Variants in DYNC1I1 observed in about 807,000 individuals in gnomAD.
DYNC1I1 encodes the protein dynein cytoplasmic 1 intermediate chain 1.
A neutral mutation model predicts 86.6 loss-of-function variants in DYNC1I1; 43 were observed. That is an observed-to-expected ratio of 0.50 (90% CI 0.39 to 0.64). The LOEUF (loss-of-function observed/expected upper bound fraction) is 0.64. DYNC1I1 is among the 30% of genes least tolerant of loss of function. The pLI, the probability that DYNC1I1 is intolerant of heterozygous loss-of-function variation, is 0.00. For synonymous variants in DYNC1I1, 262 were observed against 283.7 expected, an observed-to-expected ratio of 0.92 and a Z score of 0.77; for missense variants, 604 against 788.8, an observed-to-expected ratio of 0.77 and a Z score of 2.81.
chr7:95,944,394 G>A (rs1792333642), intron 6 of DYNC1I1, among the ~76,000 whole-genome samples: 1 of 152,178 alleles, frequency 6.6e-6, no homozygotes, highest in South Asian at 2.1e-4. Context: ...GAGAGGATGT[G>A]GAGAAATAGG....
intron 4 of DYNC1I1, among the ~76,000 whole-genome samples, chr7:95,815,137 CTT>C (rs1794919515): frequency 1.3e-5 from 2 of 152,262 alleles, no homozygotes; most frequent in Admixed American, 1.3e-4. Context: ...CTTTGGAAAA[CTT>C]TCTAAAGAAA....
chr7:95,893,836 A>G (rs1790807101), intron 6 of DYNC1I1, among the ~76,000 whole-genome samples: 1 of 152,222 alleles, frequency 6.6e-6, no homozygotes, highest in Non-Finnish European at 1.5e-5. Context: ...AGAACAGGAA[A>G]CAAAAATATT....
chr7:96,079,883 C>T (rs1170583510), intron 15 of DYNC1I1, among the ~76,000 whole-genome samples: 1 of 152,150 alleles, frequency 6.6e-6, no homozygotes, highest in African/African-American at 2.4e-5. Context: ...GAGATCAATA[C>T]ATATGTTTAC....
chr7:96,025,059 A>G (rs1794644633), intron 10 of DYNC1I1, among the ~76,000 whole-genome samples: 2 of 152,208 alleles, frequency 1.3e-5, no homozygotes, highest in South Asian at 4.1e-4. Context: ...TTCTTATAGA[A>G]TAACAAGGCA....
At chr7:95,909,622 T>G (rs1791275247) in intron 6 of DYNC1I1, among the ~76,000 whole-genome samples, 1 of 152,140 alleles carries the variant, frequency 6.6e-6, no homozygotes, top group Admixed American at 6.5e-5. Context: ...AAAATATAAA[T>G]AAATCGCATC....
At chr7:95,884,311 C>T (rs960488488) in intron 6 of DYNC1I1, among the ~76,000 whole-genome samples, 1 of 152,048 alleles carries the variant, frequency 6.6e-6, no homozygotes, top group East Asian at 1.9e-4. Context: ...TGGAAACTAA[C>T]GGGTAAGAGA....
At chr7:95,841,866 C>A (rs1789292373) in intron 5 of DYNC1I1, among the ~76,000 whole-genome samples, 1 of 152,198 alleles carries the variant, frequency 6.6e-6, no homozygotes, top group African/African-American at 2.4e-5. Context: ...TTGTCACCTG[C>A]TCACTGTGTG....
intron 14 of DYNC1I1, among the ~76,000 whole-genome samples, chr7:96,062,469 G>A (rs939103080): frequency 6.6e-6 from 1 of 151,274 alleles, no homozygotes; most frequent in African/African-American, 2.4e-5. Flanking sequence ...AACCCTTGCA[G>A]TAAACTGTCA....
chr7:96,103,668 G>A (rs1023066474), intron 16 of DYNC1I1, among the ~76,000 whole-genome samples: 3 of 151,242 alleles, frequency 2.0e-5, no homozygotes, highest in Non-Finnish European at 4.4e-5. Flanking sequence ...GCTGGAGTGC[G>A]GTAACATGAT....
intron 8 of DYNC1I1, among the ~76,000 whole-genome samples, chr7:95,986,182 A>G (rs1489733424): frequency 6.6e-6 from 1 of 152,170 alleles, no homozygotes; most frequent in Admixed American, 6.6e-5. Context: ...CAGTCTGAAC[A>G]AGAGCCATAT....
intron 5 of DYNC1I1, among the ~76,000 whole-genome samples, chr7:95,863,320 A>T (rs1459717701): frequency 1.3e-5 from 2 of 152,064 alleles, no homozygotes; most frequent in African/African-American, 4.8e-5. Flanking sequence ...AAAACATATT[A>T]TTAGTGGTTG....
intron 4 of DYNC1I1, 64 bp from the exon 5 acceptor site, chr7:95,827,993 T>G: frequency 3.2e-6 from 5 of 1,574,252 alleles, no homozygotes; most frequent in Non-Finnish European, 4.4e-6. Flanking sequence ...TAGTTTGGTT[T>G]GGTTTGTTGC....
intron 8 of DYNC1I1, among the ~76,000 whole-genome samples, chr7:95,986,555 A>T (rs1216632551): frequency 1.3e-5 from 2 of 152,166 alleles, no homozygotes; most frequent in Non-Finnish European, 2.9e-5. Flanking sequence ...TCATGGTAGA[A>T]ATTATCACTT....
At chr7:96,014,809 A>C (rs895901957) in intron 10 of DYNC1I1, among the ~76,000 whole-genome samples, 3 of 152,180 alleles carry the variant, frequency 2.0e-5, no homozygotes, top group African/African-American at 7.2e-5. Context: ...ATATTCATAG[A>C]TTGGATGAAG....
At chr7:95,980,170 T>C (rs1252363498) in intron 7 of DYNC1I1, among the ~76,000 whole-genome samples, 1 of 152,194 alleles carries the variant, frequency 6.6e-6, no homozygotes, top group African/African-American at 2.4e-5. Context: ...ATTAAAGTCA[T>C]GTTAAAAGTC....
intron 10 of DYNC1I1, among the ~76,000 whole-genome samples, chr7:96,010,575 C>T (rs1412402141): frequency 6.6e-6 from 1 of 152,096 alleles, no homozygotes; most frequent in Non-Finnish European, 1.5e-5. Flanking sequence ...AAATACTGTT[C>T]CTGGGGAGGG....
Position 95,810,463 on chromosome 7 carries a change from G to C in DYNC1I1, c.180G>C (p.Glu60Asp). The C allele has an allele frequency of 6.2e-7, 1 of 1,613,030 alleles. No homozygotes were observed. The highest frequency in any genetic ancestry group is 8.5e-7 in the Non-Finnish European group (1 of 1,179,374). Residue 60 changes from glutamate (E) to aspartate (D), a missense_variant, in exon 3 of 17, where the codon GAG becomes GAC. Coordinates refer to ENST00000447467, the MANE Select transcript of DYNC1I1 (RefSeq NM_001135556.2). ...SDLDRKRRETEALLQSIGISP... is the reference protein window; with the variant it reads ...SDLDRKRRETDALLQSIGISP... Reference sequence around the variant, plus strand: ...TGGATCGCAAACGACGAGAGACAGAGGCTTTGCTGCAAAGCATTGGTATCT... The same window carrying C: ...TGGATCGCAAACGACGAGAGACAGACGCTTTGCTGCAAAGCATTGGTATCT...
chr7:95,984,143 G>A (rs2115680294), intron 7 of DYNC1I1, among the ~76,000 whole-genome samples: 1 of 152,240 alleles, frequency 6.6e-6, no homozygotes, highest in South Asian at 2.1e-4. Context: ...AGTTTGATAA[G>A]ATTAATCATA....
At chr7:95,848,595 G>A (rs1789496573) in intron 5 of DYNC1I1, among the ~76,000 whole-genome samples, 1 of 152,036 alleles carries the variant, frequency 6.6e-6, no homozygotes, top group African/African-American at 2.4e-5. Flanking sequence ...GTATTCCATT[G>A]TGTAAGCCAC....
Sources: gnomAD v4.1 joint callset for allele counts (sites outside exome capture counted in the v4.1 genomes callset) on GRCh38, gnomAD v4.1.1 for gene constraint, MANE v1.5 for transcripts, NCBI Gene and HGNC (gene_info 2026-07-23, HGNC 2026-07-21) for gene names.